Variants in COPG2 observed in about 807,000 individuals in gnomAD.
The protein encoded by COPG2 is coatomer subunit gamma-2.
Under a neutral mutation model 46.3 loss-of-function variants are expected in COPG2, and 37 were observed. The ratio of observed to expected loss-of-function variants is 0.80; its 90% CI spans 0.61 to 1.05. The LOEUF (loss-of-function observed/expected upper bound fraction) is 1.05. Ranked by LOEUF, COPG2 falls within the 50% of genes least tolerant of loss-of-function variation. The pLI is 0.00. For synonymous variants in COPG2, 159 were observed against 129.7 expected, an observed-to-expected ratio of 1.23 and a Z score of -1.53; for missense variants, 427 against 387.8, an observed-to-expected ratio of 1.10 and a Z score of -0.85.
At chr7:130,557,751 G>C (rs1793651017) in intron 12 of COPG2, among the ~76,000 whole-genome samples, 1 of 135,102 alleles carries the variant, frequency 7.4e-6, no homozygotes, top group South Asian at 2.5e-4. Flanking sequence ...GGAGGGGGAG[G>C]TTGCAGAGTG....
chr7:130,662,972 T>G lies in COPG2; in HGVS notation c.238A>C (p.Asn80His), dbSNP rs1554460978. ...FFAMTRLFQSNDQTLRRMCYL... is the reference protein window; with the variant it reads ...FFAMTRLFQSHDQTLRRMCYL... ...AAAAATTTAAAAAGACTTACATCAT[T>G]AGATTGAAACAATCGCGTCATTGCA... The change falls in exon 4 of 24, where the codon AAT (asparagine) becomes CAT (histidine). Residue 80 changes from asparagine to histidine, a missense_variant. Physicochemically the swap from Asn to His is moderately conservative, Grantham distance 68. Coordinates refer to ENST00000425248, the MANE Select transcript of COPG2 (RefSeq NM_012133.6). 1 of 1,541,342 alleles carries G rather than the reference T, an allele frequency of 6.5e-7. No individual in the cohort carries two copies. The highest frequency in any genetic ancestry group is 2.4e-5 in the East Asian group (1 of 42,180).
chr7:130,618,503 A>T lies in COPG2; in HGVS notation c.324-1438T>A, dbSNP rs561010151. Among the ~76,000 whole-genome samples the T allele has an allele frequency of 2.0e-5, 3 of 152,264 alleles. No individual in the cohort carries two copies. In the East Asian group the frequency reaches 5.8e-4, roughly 29 times the overall value. On this transcript the variant is annotated intron_variant, in intron 5 of 23. Coordinates refer to ENST00000425248, the MANE Select transcript of COPG2 (RefSeq NM_012133.6). ...CTTCTCAAAATAAATGTATCATTTG[A>T]TTGCATTGTAATGACAGAATAAGTC...
intron 10 of COPG2, among the ~76,000 whole-genome samples, chr7:130,563,693 G>A (rs1584974538): frequency 7.0e-6 from 1 of 142,460 alleles, no homozygotes; most frequent in Non-Finnish European, 1.5e-5. Context: ...GGCAGAGCTT[G>A]CAGTGAGCCG....
intron 9 of COPG2, among the ~76,000 whole-genome samples, chr7:130,602,285 T>G (rs373727722): frequency 6.6e-6 from 1 of 152,182 alleles, no homozygotes; most frequent in African/African-American, 2.4e-5. Context: ...AATCAACTTT[T>G]CCTCACTCCA....
chr7:130,540,516 G>GT (rs1375256807), intron 20 of COPG2, among the ~76,000 whole-genome samples: 1 of 152,084 alleles, frequency 6.6e-6, no homozygotes, highest in African/African-American at 2.4e-5. Flanking sequence ...AGGACAAGAC[G>GT]TATCGGGTGG....
At chr7:130,615,371 G>T (rs547004427) in intron 6 of COPG2, among the ~76,000 whole-genome samples, 1 of 152,268 alleles carries the variant, frequency 6.6e-6, no homozygotes, top group South Asian at 2.1e-4. Flanking sequence ...ATGAGCTGAT[G>T]AGCAGGTGCT....
chr7:130,577,004 A>G (rs1794010294), intron 9 of COPG2, among the ~76,000 whole-genome samples: 1 of 152,198 alleles, frequency 6.6e-6, no homozygotes, highest in African/African-American at 2.4e-5. Flanking sequence ...CATAAACTAG[A>G]AAACCTGGAA....
rs1317227548 is a variant in COPG2, at chr7:130,668,463, G to T, written c.37+169C>A. 3.3e-5 allele frequency among the ~76,000 whole-genome samples: 5 copies of T among 149,594 alleles called. 1 individual carries two copies. In the East Asian group the frequency reaches 8.0e-4, roughly 24 times the overall value. On this transcript the variant is annotated intron_variant, in intron 1 of 23. Coordinates refer to ENST00000425248, the MANE Select transcript of COPG2 (RefSeq NM_012133.6). Reference sequence around the variant, plus strand: ...CTCCGGCGCCCGGGGGAGGGGCTACGGGCAGGCCCCGGGCAGCCGCGAGGG... The same window carrying T: ...CTCCGGCGCCCGGGGGAGGGGCTACTGGCAGGCCCCGGGCAGCCGCGAGGG...
intron 20 of COPG2, among the ~76,000 whole-genome samples, chr7:130,534,848 T>C (rs1232126398): frequency 6.6e-6 from 1 of 151,014 alleles, no homozygotes; most frequent in Non-Finnish European, 1.5e-5. Context: ...CCAAGGTAAA[T>C]GGAAATAATG....
intron 9 of COPG2, among the ~76,000 whole-genome samples, chr7:130,575,623 G>A (rs1793987650): frequency 6.6e-6 from 1 of 151,782 alleles, no homozygotes; most frequent in South Asian, 2.1e-4. Flanking sequence ...AAATCACAAA[G>A]GACCTATAAA....
At chr7:130,536,884 C>G (rs948532239) in intron 20 of COPG2, among the ~76,000 whole-genome samples, 6 of 151,906 alleles carry the variant, frequency 3.9e-5, no homozygotes, top group African/African-American at 1.2e-4. Context: ...CGGGTGAGAG[C>G]AGAGAGCAGG....
intron 4 of COPG2, among the ~76,000 whole-genome samples, chr7:130,654,666 T>C (rs10233089): frequency 0.79 from 120,863 of 152,042 alleles, 48,339 homozygotes; most frequent in Non-Finnish European, 0.85. Context: ...GATGAGTATT[T>C]GATTTTGATA....
chr7:130,509,074 C>A (rs535892261), intron 20 of COPG2: 10 of 458,344 alleles, frequency 2.2e-5, no homozygotes, highest in African/African-American at 4.1e-5. Flanking sequence ...GCATACAGAT[C>A]ATCAGATTAA....
intron 20 of COPG2, among the ~76,000 whole-genome samples, chr7:130,542,838 T>A (rs1168798602): frequency 6.6e-6 from 1 of 152,090 alleles, no homozygotes; most frequent in Non-Finnish European, 1.5e-5. Context: ...GTAAAAGGGC[T>A]GACATGGAAT....
At chr7:130,658,290 A>G (rs1389379072) in intron 4 of COPG2, among the ~76,000 whole-genome samples, 4 of 152,212 alleles carry the variant, frequency 2.6e-5, no homozygotes, top group Admixed American at 2.6e-4. Flanking sequence ...AAACTCAAAA[A>G]AGGCTTCATA....
intron 12 of COPG2, among the ~76,000 whole-genome samples, chr7:130,556,081 G>A (rs1793618841): frequency 6.6e-6 from 1 of 152,170 alleles, no homozygotes; most frequent in Non-Finnish European, 1.5e-5. Context: ...TGCAAAGAGA[G>A]CCAGATAATA....
intron 20 of COPG2, among the ~76,000 whole-genome samples, chr7:130,516,092 A>G (rs2116341431): frequency 6.6e-6 from 1 of 152,240 alleles, no homozygotes; most frequent in South Asian, 2.1e-4. Context: ...TGAAGGAGGG[A>G]TACTGAATAT....
rs112028620 is a variant in COPG2 at position 130,662,187 on chromosome 7, C to T, written c.243+780G>A. 8.1e-3 allele frequency among the ~76,000 whole-genome samples: 1,235 copies of T among 152,268 alleles called. 9 individuals are homozygous for T. The highest frequency in any genetic ancestry group is 0.034 in the Middle Eastern group (10 of 294). On this transcript the variant is annotated intron_variant, in intron 4 of 23. Coordinates refer to ENST00000425248, the MANE Select transcript of COPG2 (RefSeq NM_012133.6). ...CCTGTAGAGTATATAATGGCCTCCC[C>T]TGAAACAGCTGCCTTACAGGGGACT...
chr7:130,594,669 G>T (rs959070414), intron 9 of COPG2, among the ~76,000 whole-genome samples: 1 of 152,086 alleles, frequency 6.6e-6, no homozygotes, highest in South Asian at 2.1e-4. Flanking sequence ...AACAATAAAA[G>T]ACAACCTAAT....
Sources: gnomAD v4.1 joint callset for allele counts (sites outside exome capture counted in the v4.1 genomes callset) on GRCh38, gnomAD v4.1.1 for gene constraint, MANE v1.5 for transcripts, NCBI Gene and HGNC (gene_info 2026-07-23, HGNC 2026-07-21) for gene names.